Variants in CLPB observed in about 807,000 individuals in gnomAD.
CLPB encodes ClpB family mitochondrial disaggregase.
In CLPB, 40 loss-of-function variants were observed where a neutral mutation model predicts 78.4. That is an observed-to-expected ratio of 0.51 (90% CI 0.40 to 0.66). CLPB has a LOEUF of 0.66. Among genes scored for constraint, CLPB ranks in the 30% least tolerant of loss-of-function variants. The pLI, the probability that CLPB is intolerant of heterozygous loss-of-function variation, is 0.00. For missense variants in CLPB, 780 were observed against 886.9 expected (o/e 0.88, Z 1.53); for synonymous variants, 333 against 348.0 (o/e 0.96, Z 0.48).
At position 72,286,215 on chromosome 11, in the gene CLPB, C is replaced by T. The variant is rs1260130109; in HGVS notation, c.*7152G>A. 1 of 69,192 alleles carries T rather than the reference C, an allele frequency of 1.4e-5. No individual in the cohort carries two copies. Among genetic ancestry groups the T allele is most frequent in the Non-Finnish European group, 3.2e-5 (1 of 31,256 alleles). The allele number at this position is 69,192 out of a possible 1,614,324, so 4.3% of individuals were successfully genotyped here. A position where few individuals can be genotyped will look rare whatever the true frequency, so the allele number is the denominator to read the frequency against. ...CTGTTGAGATTACAGGTGTGAGATACTGCACCTGTTTTTTTTTTTTTTTTT... is the reference window on the plus strand; with the variant it reads ...CTGTTGAGATTACAGGTGTGAGATATTGCACCTGTTTTTTTTTTTTTTTTT... On this transcript the variant is annotated 3_prime_UTR_variant, in exon 16 of 16. Transcript: ENST00000538039.
At chr11:72,425,359 T>C (rs1186613206) in intron 2 of CLPB, among the ~76,000 whole-genome samples, 3 of 152,184 alleles carry the variant, frequency 2.0e-5, no homozygotes, top group Non-Finnish European at 4.4e-5. Flanking sequence ...CTCGTAAGTA[T>C]TGGCTGAATG....
chr11:72,325,420 C>A (rs541190515), intron 6 of CLPB, among the ~76,000 whole-genome samples: 1 of 152,214 alleles, frequency 6.6e-6, no homozygotes, highest in East Asian at 1.9e-4. Flanking sequence ...TCTCCCCCAG[C>A]CAGATGGCAA....
intron 9 of CLPB, among the ~76,000 whole-genome samples, chr11:72,306,914 G>A (rs1352610814): frequency 1.3e-5 from 2 of 152,344 alleles, no homozygotes; most frequent in South Asian, 2.1e-4. Context: ...GCTTGAAAAT[G>A]TTGTATGGTA....
At chr11:72,420,221 C>A (rs1449124901) in intron 2 of CLPB, among the ~76,000 whole-genome samples, 3 of 152,212 alleles carry the variant, frequency 2.0e-5, no homozygotes, top group Non-Finnish European at 4.4e-5. Flanking sequence ...CTTTCAATGG[C>A]TGGGCATGGT....
chr11:72,341,943 T>C (rs1490531400), intron 5 of CLPB, among the ~76,000 whole-genome samples: 2 of 152,192 alleles, frequency 1.3e-5, no homozygotes, highest in African/African-American at 2.4e-5. Flanking sequence ...AAGGCTGTTA[T>C]AATAGTCCAG....
intron 4 of CLPB, among the ~76,000 whole-genome samples, chr11:72,364,684 C>T (rs1950908204): frequency 1.3e-5 from 2 of 152,006 alleles, no homozygotes; most frequent in African/African-American, 2.4e-5. Context: ...TTTTCCTTCC[C>T]ACCTTTTTCC....
intron 2 of CLPB, among the ~76,000 whole-genome samples, chr11:72,427,493 A>G (rs1856419927): frequency 1.3e-5 from 2 of 152,218 alleles, no homozygotes; most frequent in Non-Finnish European, 2.9e-5. Context: ...GTGGTCTTAT[A>G]AGATTATAAT....
chr11:72,422,924 T>C (rs770951506), intron 2 of CLPB, among the ~76,000 whole-genome samples: 1 of 152,190 alleles, frequency 6.6e-6, no homozygotes, highest in Non-Finnish European at 1.5e-5. Flanking sequence ...AGCCCCAAGC[T>C]GGGGCATCCA....
chr11:72,401,996 G>A (rs1205262036), intron 3 of CLPB, among the ~76,000 whole-genome samples: 6 of 152,192 alleles, frequency 3.9e-5, no homozygotes, highest in African/African-American at 9.6e-5. Context: ...AGTGGCTCAC[G>A]CCTGTCATCC....
At chr11:72,429,777 T>C (rs1424968770) in intron 2 of CLPB, among the ~76,000 whole-genome samples, 1 of 152,206 alleles carries the variant, frequency 6.6e-6, no homozygotes, top group African/African-American at 2.4e-5. Flanking sequence ...AACCTGCCAG[T>C]GGTCACTGGA....
At chr11:72,417,701 A>G (rs58007847) in intron 2 of CLPB, among the ~76,000 whole-genome samples, 5,915 of 152,234 alleles carry the variant, frequency 0.039, 356 homozygotes, top group African/African-American at 0.13. Context: ...AGGCACCCAA[A>G]GAGGGCTGGA....
intron 11 of CLPB, among the ~76,000 whole-genome samples, chr11:72,300,387 C>G (rs531212338): frequency 6.6e-6 from 1 of 152,296 alleles, no homozygotes; most frequent in Non-Finnish European, 1.5e-5. Flanking sequence ...CAAGAGGGCA[C>G]ATTCGGGTCT....
intron 4 of CLPB, among the ~76,000 whole-genome samples, chr11:72,365,341 A>G (rs940698192): frequency 1.2e-4 from 18 of 152,204 alleles, no homozygotes; most frequent in African/African-American, 4.3e-4. Context: ...AATAAGATTC[A>G]ATTTCTATTT....
chr11:72,294,723 C>A, intron 12 of CLPB, 30 bp from the exon 13 acceptor site: 1 of 1,589,332 alleles, frequency 6.3e-7, no homozygotes, highest in Non-Finnish European at 8.6e-7. Flanking sequence ...ACTGCTTATT[C>A]CCCACATTCA....
chr11:72,296,336 T>C, intron 11 of CLPB, among the ~76,000 whole-genome samples: 1 of 152,246 alleles, frequency 6.6e-6, no homozygotes, highest in East Asian at 1.9e-4. Context: ...ATGAGATTGC[T>C]TCTTTAACCA....
chr11:72,423,752 CT>C (rs1856277978), intron 2 of CLPB, among the ~76,000 whole-genome samples: 2 of 152,238 alleles, frequency 1.3e-5, no homozygotes. Flanking sequence ...AAAATAAAAA[CT>C]GTTAATATGG....
At chr11:72,419,269 T>A (rs945328013) in intron 2 of CLPB, among the ~76,000 whole-genome samples, 1 of 152,174 alleles carries the variant, frequency 6.6e-6, no homozygotes, top group Admixed American at 6.5e-5. Flanking sequence ...AGAGGAGAGA[T>A]AGCACTTGGG....
chr11:72,427,259 AG>A (rs1565102104), intron 2 of CLPB, among the ~76,000 whole-genome samples: 1 of 152,220 alleles, frequency 6.6e-6, no homozygotes, highest in East Asian at 1.9e-4. Context: ...GGCTAAGGAC[AG>A]GAGCTGGGGG....
intron 2 of CLPB, among the ~76,000 whole-genome samples, chr11:72,416,132 C>T (rs1319448141): frequency 6.6e-6 from 1 of 152,178 alleles, no homozygotes; most frequent in Non-Finnish European, 1.5e-5. Flanking sequence ...CAGGTGCTTT[C>T]ACACTATTGC....
Sources: allele counts gnomAD v4.1 joint callset (sites outside exome capture counted in the v4.1 genomes callset), GRCh38; gene constraint gnomAD v4.1.1; transcripts MANE v1.5; gene names NCBI Gene and HGNC (gene_info 2026-07-23, HGNC 2026-07-21).